ZNF98: variants seen among roughly 807,000 people sequenced by gnomAD.
The protein encoded by ZNF98 is zinc finger protein 98, also known as zinc finger protein 739.
ZNF98 carries 8 observed loss-of-function variants against 12.8 expected under a neutral mutation model. The ratio of observed to expected loss-of-function variants is 0.63; its 90% CI spans 0.37 to 1.13. The LOEUF (loss-of-function observed/expected upper bound fraction) is 1.13. ZNF98 is among the 50% of genes most tolerant of loss of function. The probability of loss-of-function intolerance (pLI) is 0.01; values close to 1 mark genes in which losing one functional copy is unlikely to be tolerated. For synonymous variants in ZNF98, 112 were observed against 223.5 expected (o/e 0.50, Z 4.45); for missense variants, 379 against 666.1 (o/e 0.57, Z 4.74).
At position 22,391,632 on chromosome 19, in the gene ZNF98, T is replaced by C. The variant is rs753963649; in HGVS notation, c.1603A>G (p.Arg535Gly). Residue 535 changes from arginine (R) to glycine (G), a missense_variant, in exon 4 of 4, where the codon AGA becomes GGA. By Grantham distance (125) the Arg-to-Gly change is moderately radical (BLOSUM62 -2). Coordinates refer to ENST00000357774, the MANE Select transcript of ZNF98 (RefSeq NM_001098626.2). ...KAFNNSSILN[R>G]HKMIHTGEKL... ...TCTCCAGTATGAATCATCTTATGTC[T>C]GTTAAGAATAGAGGAGTTGTTAAAG... 1.2e-5 allele frequency: 20 copies of C among 1,613,632 alleles called. No individual in the cohort carries two copies. The highest frequency in any genetic ancestry group is 3.3e-4 in the Middle Eastern group (2 of 6,076).
chr19:22,417,920 G>C (rs1315036894), intron 1 of ZNF98, among the ~76,000 whole-genome samples: 1 of 152,120 alleles, frequency 6.6e-6, no homozygotes, highest in African/African-American at 2.4e-5. Context: ...CATCCTGGGA[G>C]ACCTGGAATC....
intron 3 of ZNF98, among the ~76,000 whole-genome samples, chr19:22,395,367 T>C (rs56862063): frequency 0.34 from 51,668 of 151,462 alleles, 10,478 homozygotes; most frequent in Middle Eastern, 0.56. Flanking sequence ...GGTAGCTTTT[T>C]TGATGTCCAA....
intron 3 of ZNF98, among the ~76,000 whole-genome samples, chr19:22,397,489 G>C (rs1383125034): frequency 6.6e-6 from 1 of 151,732 alleles, no homozygotes; most frequent in African/African-American, 2.4e-5. Flanking sequence ...TTCCTTCATA[G>C]ACCTCCTCTT....
intron 3 of ZNF98, among the ~76,000 whole-genome samples, chr19:22,401,485 ATT>A (rs71180540): frequency 2.1e-5 from 3 of 145,016 alleles, no homozygotes; most frequent in Non-Finnish European, 4.5e-5. Flanking sequence ...GATTGAAAGA[ATT>A]TTTTTTTTTT....
intron 1 of ZNF98, among the ~76,000 whole-genome samples, chr19:22,414,884 CCTAATTAAG>C (rs1476341975): frequency 6.6e-6 from 1 of 151,954 alleles, no homozygotes; most frequent in African/African-American, 2.4e-5. Flanking sequence ...ACAAATGGAA[CCTAATTAAG>C]CTAAAAAGCT....
chr19:22,399,342 A>G (rs1599385007), intron 3 of ZNF98, among the ~76,000 whole-genome samples: 1 of 152,290 alleles, frequency 6.6e-6, no homozygotes, highest in East Asian at 1.9e-4. Flanking sequence ...ACAAACTGAT[A>G]AATAAGCATT....
chr19:22,397,096 G>T (rs1026980867), intron 3 of ZNF98, among the ~76,000 whole-genome samples: 9 of 146,220 alleles, frequency 6.2e-5, no homozygotes, highest in African/African-American at 2.3e-4. Flanking sequence ...TCCAGCCTGG[G>T]ACACAGAGTG....
intron 1 of ZNF98, among the ~76,000 whole-genome samples, chr19:22,414,253 AAAAG>A (rs1319498103): frequency 2.8e-5 from 4 of 140,928 alleles, no homozygotes; most frequent in African/African-American, 7.5e-5. Flanking sequence ...AAAAAAAAAA[AAAAG>A]AAAGCAAGCA....
At chr19:22,416,373 G>A (rs1330014540) in intron 1 of ZNF98, among the ~76,000 whole-genome samples, 2 of 152,048 alleles carry the variant, frequency 1.3e-5, no homozygotes, top group African/African-American at 4.8e-5. Flanking sequence ...GGGAGGCTGA[G>A]GCAGGAGAAT....
At chr19:22,403,271 C>CAA (rs372576912) in intron 2 of ZNF98, 115 bp downstream of exon 2, 609 of 1,016,184 alleles carry the variant, frequency 6.0e-4, no homozygotes, top group South Asian at 1.3e-3. Flanking sequence ...AAAAAAAAAA[C>CAA]AAAAAAAAAA....
At chr19:22,419,105 T>C (rs919150295) in intron 1 of ZNF98, among the ~76,000 whole-genome samples, 5 of 152,184 alleles carry the variant, frequency 3.3e-5, no homozygotes, top group Admixed American at 2.0e-4. Context: ...CCTCCCACTT[T>C]CGTTCTAATC....
intron 3 of ZNF98, among the ~76,000 whole-genome samples, chr19:22,400,987 A>G (rs1407613479): frequency 6.6e-6 from 1 of 151,334 alleles, no homozygotes; most frequent in Non-Finnish European, 1.5e-5. Flanking sequence ...AAAAAAAACA[A>G]GAAAAACTTG....
intron 3 of ZNF98, among the ~76,000 whole-genome samples, chr19:22,396,768 A>G (rs1304667084): frequency 6.6e-6 from 1 of 152,252 alleles, no homozygotes; most frequent in African/African-American, 2.4e-5. Context: ...AAAAACTGTC[A>G]TGTTTTACAA....
chr19:22,415,913 T>G (rs1191793042), intron 1 of ZNF98, among the ~76,000 whole-genome samples: 1 of 134,970 alleles, frequency 7.4e-6, no homozygotes, highest in African/African-American at 2.8e-5. Flanking sequence ...ACCAACATGG[T>G]GAAACCCCGT....
rs747719038 is a variant in ZNF98 at position 22,392,758 on chromosome 19, A to G, written c.477T>C (p.Tyr159=). 3.7e-6 allele frequency: 6 copies of G among 1,610,482 alleles called. No homozygotes were observed. Among genetic ancestry groups the G allele is most frequent in the African/African-American group, 1.3e-5 (1 of 74,884 alleles). Residue 159 remains tyrosine, a synonymous_variant, in exon 4 of 4, where the codon TAT becomes TAC. Transcript: ENST00000357774. ...TQNKIFQYDK[Y]VKVFHKFSNS... ...TTGAAAATTTATGAAAGACTTTCAC[A>G]TATTTGTCATATTGAAATATTTTGT...
chr19:22,402,839 C>T lies in ZNF98; in HGVS notation c.203G>A (p.Gly68Glu), dbSNP rs1282124775. The change falls in exon 3 of 4, where the codon GGA becomes GAA. Residue 68 changes from glycine to glutamate, a missense_variant. Gly to Glu is a moderately conservative substitution (Grantham distance 98, BLOSUM62 -2). Around this residue, in one of 8 missense-constraint regions of ZNF98, gnomAD observed 223 missense variants for 261.6 expected, o/e 0.85. Coordinates refer to ENST00000357774, the MANE Select transcript of ZNF98 (RefSeq NM_001098626.2). Reference sequence around the variant, plus strand: ...TCTCTTCACATTCCAAGGTTCTTTTCCTTGCTCCAGACAGGTGATCAGGTC... The same window carrying T: ...TCTCTTCACATTCCAAGGTTCTTTTTCTTGCTCCAGACAGGTGATCAGGTC... Reference protein sequence around the residue: ...KPDLITCLEQGKEPWNVKRHE... With the variant: ...KPDLITCLEQEKEPWNVKRHE... The T allele has an allele frequency of 2.5e-6, 4 of 1,591,636 alleles. No individual in the cohort carries two copies. Among genetic ancestry groups the T allele is most frequent in the East Asian group, 4.5e-5 (2 of 44,302 alleles).
At chr19:22,418,984 T>C (rs545116074) in intron 1 of ZNF98, among the ~76,000 whole-genome samples, 1 of 152,300 alleles carries the variant, frequency 6.6e-6, no homozygotes, top group African/African-American at 2.4e-5. Context: ...TCAGCTACAC[T>C]CAATCTGAGT....
intron 3 of ZNF98, among the ~76,000 whole-genome samples, chr19:22,393,889 TGAACA>T (rs1416475325): frequency 6.6e-6 from 1 of 151,980 alleles, no homozygotes; most frequent in Non-Finnish European, 1.5e-5. Context: ...ACCACCAGAA[TGAACA>T]GGCAACCTAC....
Position 22,391,795 on chromosome 19 carries a change from A to G in ZNF98, c.1440T>C (p.His480=). The G allele has an allele frequency of 6.2e-7, 1 of 1,601,654 alleles. No individual in the cohort carries two copies. The highest frequency in any genetic ancestry group is 8.5e-7 in the Non-Finnish European group (1 of 1,173,908). ...GCTTCTCTCCAGTATGAATTACCTTATGTTTAGAAAGAGTTGAGGACTGGT... is the reference window on the plus strand; with the variant it reads ...GCTTCTCTCCAGTATGAATTACCTTGTGTTTAGAAAGAGTTGAGGACTGGT... ...AFNQSSTLSK[H]KVIHTGEKPY... The change falls in exon 4 of 4, where the codon CAT becomes CAC. Residue 480 remains histidine (H), a synonymous_variant. Coordinates refer to ENST00000357774, the MANE Select transcript of ZNF98 (RefSeq NM_001098626.2).
Sources: allele counts gnomAD v4.1 joint callset (sites outside exome capture counted in the v4.1 genomes callset), GRCh38; gene constraint gnomAD v4.1.1; regional missense constraint gnomAD v4.1.1; transcripts MANE v1.5; gene names NCBI Gene and HGNC (gene_info 2026-07-23, HGNC 2026-07-21).